The following LTBP2 variants were observed in gnomAD, a reference collection of about 807,000 sequenced individuals.
The protein encoded by LTBP2 is latent-transforming growth factor beta-binding protein 2.
In LTBP2, 103 loss-of-function variants were observed where a neutral mutation model predicts 210.6. The observed-to-expected ratio is 0.49, with a 90% CI of 0.42 to 0.58. The LOEUF (loss-of-function observed/expected upper bound fraction) is 0.58, where lower values mean the gene tolerates loss of function less well. LTBP2 is among the 20% of genes least tolerant of loss of function. The pLI, the probability that LTBP2 is intolerant of heterozygous loss-of-function variation, is 0.00. For missense variants in LTBP2, 2,313 were observed against 2,494.5 expected, an observed-to-expected ratio of 0.93 and a Z score of 1.55; for synonymous variants, 1,007 against 1,015.0, an observed-to-expected ratio of 0.99 and a Z score of 0.15.
chr14:74,532,347 C>A, intron 10 of LTBP2, 79 bp downstream of exon 10: 2 of 1,596,650 alleles, frequency 1.3e-6, no homozygotes, highest in Non-Finnish European at 1.7e-6. Context: ...AATTGCTGCC[C>A]TGGGCCTGGC....
chr14:74,522,723 C>G lies in LTBP2; in HGVS notation c.2659+67G>C, dbSNP rs76633404. 19,812 of 1,535,054 alleles carry G rather than the reference C, an allele frequency of 0.013. 526 individuals carry two copies. The highest frequency in any genetic ancestry group is 0.085 in the South Asian group (6,910 of 81,384). ...TCTGCTTCTTCCTGGACTCTCAACT[C>G]GGCCTCTTAGCCCCTGCTCCCATCT... On this transcript the variant is annotated intron_variant, in intron 16 of 35. Coordinates refer to ENST00000261978, the MANE Select transcript of LTBP2 (RefSeq NM_000428.3).
chr14:74,586,090 C>T lies in LTBP2; in HGVS notation c.594G>A (p.Arg198=), dbSNP rs746724586. The change falls in exon 3 of 36, where the codon CGG becomes CGA. Residue 198 remains arginine (R), a synonymous_variant. Coordinates refer to ENST00000261978, the MANE Select transcript of LTBP2 (RefSeq NM_000428.3). The surrounding 1 kb of genome is among the most constrained non-coding windows in gnomAD (Gnocchi z 4.6). ...KPVCEPPCQN[R]GSCSRPQLCV... is the part of the protein sequence containing the mutation. Reference sequence around the variant, plus strand: ...AGAGCTGCGGGCGGCTGCAGGAGCCCCGGTTCTGGCACGGCGGCTCGCAAA... The same window carrying T: ...AGAGCTGCGGGCGGCTGCAGGAGCCTCGGTTCTGGCACGGCGGCTCGCAAA... 2 of 1,600,378 alleles carry T rather than the reference C, an allele frequency of 1.2e-6. No individual in the cohort carries two copies. The highest frequency in any genetic ancestry group is 1.7e-6 in the Non-Finnish European group (2 of 1,174,042).
At chr14:74,516,466 A>C (rs754819787) in intron 18 of LTBP2, among the ~76,000 whole-genome samples, 13 of 151,602 alleles carry the variant, frequency 8.6e-5, no homozygotes, top group Non-Finnish European at 1.8e-4. Flanking sequence ...ACAATCTAAC[A>C]AGCTTAATAA....
chr14:74,603,253 G>A (rs1383219952), intron 2 of LTBP2, among the ~76,000 whole-genome samples: 3 of 152,086 alleles, frequency 2.0e-5, no homozygotes, highest in African/African-American at 2.4e-5. Context: ...TCAGCCTCCC[G>A]AGTAGCTGGG....
intron 17 of LTBP2, among the ~76,000 whole-genome samples, chr14:74,519,371 A>T (rs929848340): frequency 8.5e-5 from 13 of 152,246 alleles, no homozygotes; most frequent in African/African-American, 3.1e-4. Flanking sequence ...TGGAAAACTG[A>T]GCAAAAATGG....
At chr14:74,513,984 C>T (rs1470073227) in intron 18 of LTBP2, among the ~76,000 whole-genome samples, 2 of 152,162 alleles carry the variant, frequency 1.3e-5, no homozygotes, top group Non-Finnish European at 2.9e-5. Context: ...TGAAAGCAGC[C>T]CCTCATTCTC....
At position 74,555,661 on chromosome 14, in the gene LTBP2, G is replaced by A; in HGVS notation, c.863C>T (p.Ser288Phe). The A allele has an allele frequency of 6.4e-7, 1 of 1,571,214 alleles. No individual in the cohort carries two copies. Among genetic ancestry groups the A allele is most frequent in the South Asian group, 1.2e-5 (1 of 85,116 alleles). The change falls in exon 4 of 36, where the codon TCC (serine) becomes TTC (phenylalanine). Residue 288 changes from serine to phenylalanine, a missense_variant. Transcript: ENST00000261978. ...TLSGLSQTHP[S>F]QQHVGLSRTV... ...GCGGGACAACCCCACGTGCTGCTGG[G>A]AAGGGTGGGTCTGGCTGAGGCCACT... is the stretch of plus-strand genomic sequence containing the variant.
chr14:74,528,952 G>A lies in LTBP2; in HGVS notation c.2152+6C>T, dbSNP rs2087313868. The stretch of plus-strand genomic sequence containing the variant: ...AGTGAAAGCTGGGATGGGAACAGGA[G>A]GTTACCTGTGCCAGGCAGAGGGCAT... On this transcript the variant is annotated splice_donor_region_variant and intron_variant, in intron 11 of 35. Transcript: ENST00000261978. The A allele has an allele frequency of 6.2e-7, 1 of 1,610,860 alleles. No homozygotes were observed. Among genetic ancestry groups the A allele is most frequent in the South Asian group, 1.1e-5 (1 of 90,410 alleles).
intron 2 of LTBP2, among the ~76,000 whole-genome samples, chr14:74,588,449 G>A (rs1442965112): frequency 2.0e-5 from 3 of 152,058 alleles, no homozygotes; most frequent in Non-Finnish European, 2.9e-5. Flanking sequence ...TGAAACTCCC[G>A]ACCTCAGGTG....
intron 3 of LTBP2, among the ~76,000 whole-genome samples, chr14:74,581,582 A>C (rs2088137188): frequency 6.6e-6 from 1 of 152,168 alleles, no homozygotes. Flanking sequence ...CTCAAGTGAC[A>C]GCTAGCAAGG....
At chr14:74,501,371 C>A in intron 35 of LTBP2, 70 bp downstream of exon 35, 1 of 1,610,080 alleles carries the variant, frequency 6.2e-7, no homozygotes, top group Non-Finnish European at 8.5e-7. Context: ...GCTCTTCCAG[C>A]CTTCCTGAGT....
intron 1 of LTBP2, among the ~76,000 whole-genome samples, chr14:74,609,956 T>C (rs2088581716): frequency 6.6e-6 from 1 of 152,240 alleles, no homozygotes; most frequent in Non-Finnish European, 1.5e-5. Flanking sequence ...TGCTTTCCAC[T>C]AAGACTTGTT....
At chr14:74,540,285 C>A (rs2087475976) in intron 8 of LTBP2, among the ~76,000 whole-genome samples, 4 of 151,960 alleles carry the variant, frequency 2.6e-5, no homozygotes, top group Admixed American at 2.6e-4. Flanking sequence ...CCAGCCTGGG[C>A]AACATGGCAA....
At chr14:74,584,504 C>T (rs1312493608) in intron 3 of LTBP2, among the ~76,000 whole-genome samples, 1 of 152,166 alleles carries the variant, frequency 6.6e-6, no homozygotes. Flanking sequence ...ACCAGGCTTA[C>T]CACCTAGGAC....
chr14:74,506,734 C>A lies in LTBP2; in HGVS notation c.3997G>T (p.Gly1333Cys), dbSNP rs2086991246. 1 of 1,613,970 alleles carries A rather than the reference C, an allele frequency of 6.2e-7. No homozygotes were observed. Reference sequence around the variant, plus strand: ...CAGCCTGAGGGAGAGATCTCGAAGCCCTGGTCACAGAGGCAGCGGAAGGAG... The same window carrying A: ...CAGCCTGAGGGAGAGATCTCGAAGCACTGGTCACAGAGGCAGCGGAAGGAG... ...DGSFRCLCDQ[G>C]FEISPSGWDC... The change falls in exon 27 of 36, where the codon GGC (glycine) becomes TGC (cysteine). Residue 1333 changes from glycine (G) to cysteine (C), a missense_variant. This residue lies in a region of LTBP2 where 1,867 missense variants were observed against 1,976.9 expected (regional missense o/e 0.94). Coordinates refer to ENST00000261978, the MANE Select transcript of LTBP2 (RefSeq NM_000428.3).
At chr14:74,526,335 G>T (rs561465484) in intron 13 of LTBP2, among the ~76,000 whole-genome samples, 7 of 152,262 alleles carry the variant, frequency 4.6e-5, no homozygotes, top group Non-Finnish European at 8.8e-5. Context: ...TATGATGGGA[G>T]GTTGAAATGA....
At chr14:74,569,618 A>C (rs2087949200) in intron 3 of LTBP2, among the ~76,000 whole-genome samples, 1 of 152,154 alleles carries the variant, frequency 6.6e-6, no homozygotes, top group East Asian at 1.9e-4. Context: ...TCAGACTATA[A>C]TGAGATTTGT....
intron 4 of LTBP2, among the ~76,000 whole-genome samples, 176 bp from the exon 5 acceptor site, chr14:74,553,238 C>T (rs1028131640): frequency 1.3e-5 from 2 of 152,156 alleles, no homozygotes; most frequent in East Asian, 1.9e-4. Flanking sequence ...TTGAGAAGCT[C>T]GCAGATGTGC....
At chr14:74,589,272 G>C (rs2088249579) in intron 2 of LTBP2, among the ~76,000 whole-genome samples, 2 of 152,224 alleles carry the variant, frequency 1.3e-5, no homozygotes, top group African/African-American at 4.8e-5. Context: ...TATATGACAA[G>C]TGCTATGTCA....
Sources: allele counts gnomAD v4.1 joint callset (sites outside exome capture counted in the v4.1 genomes callset), GRCh38; gene constraint gnomAD v4.1.1; regional missense constraint gnomAD v4.1.1; non-coding constraint Gnocchi (gnomAD v3.1); transcripts MANE v1.5; gene names NCBI Gene and HGNC (gene_info 2026-07-23, HGNC 2026-07-21).